The following HHAT variants were observed in gnomAD, a reference collection of about 807,000 sequenced individuals.
HHAT encodes the protein protein-cysteine N-palmitoyltransferase HHAT.
Under a neutral mutation model 70.8 loss-of-function variants are expected in HHAT, and 47 were observed. The observed-to-expected ratio is 0.66, with a 90% CI of 0.53 to 0.85. The LOEUF (loss-of-function observed/expected upper bound fraction) is 0.85. Ranked by LOEUF, HHAT falls within the 40% of genes least tolerant of loss-of-function variation. HHAT has a pLI of 0.00. For synonymous variants in HHAT, 228 were observed against 247.6 expected, an observed-to-expected ratio of 0.92 and a Z score of 0.74; for missense variants, 609 against 604.8, an observed-to-expected ratio of 1.01 and a Z score of -0.07.
intron 7 of HHAT, among the ~76,000 whole-genome samples, chr1:210,419,671 T>A (rs75654772): frequency 0.18 from 26,682 of 152,220 alleles, 2,826 homozygotes; most frequent in Middle Eastern, 0.24. Context: ...ACGTACTTAA[T>A]CAGAATGTTT....
intron 8 of HHAT, among the ~76,000 whole-genome samples, chr1:210,497,701 GC>G (rs2094675789): frequency 6.6e-6 from 1 of 151,930 alleles, no homozygotes; most frequent in Non-Finnish European, 1.5e-5. Flanking sequence ...CAGTGGGCTC[GC>G]AGGTCTGTAG....
At chr1:210,624,705 TTATG>T (rs952532443) in intron 11 of HHAT, among the ~76,000 whole-genome samples, 12 of 152,334 alleles carry the variant, frequency 7.9e-5, no homozygotes, top group Admixed American at 7.2e-4. Context: ...CGTTGTTTAT[TTATG>T]GTCACCATTT....
At chr1:210,398,568 A>C (rs907357730) in intron 4 of HHAT, among the ~76,000 whole-genome samples, 1 of 152,174 alleles carries the variant, frequency 6.6e-6, no homozygotes, top group African/African-American at 2.4e-5. Flanking sequence ...AGCATTTTCC[A>C]AGTTGAAGCA....
chr1:210,591,856 T>G (rs1661787363), intron 10 of HHAT, among the ~76,000 whole-genome samples: 1 of 152,174 alleles, frequency 6.6e-6, no homozygotes, highest in Admixed American at 6.5e-5. Flanking sequence ...ATTCAGATCT[T>G]TGCCCATTTC....
At chr1:210,545,406 A>G (rs1227256639) in intron 9 of HHAT, among the ~76,000 whole-genome samples, 1 of 146,262 alleles carries the variant, frequency 6.8e-6, no homozygotes, top group Non-Finnish European at 1.5e-5. Context: ...TCCCTTCACA[A>G]CTCAATTTAG....
intron 8 of HHAT, among the ~76,000 whole-genome samples, chr1:210,497,581 T>C (rs1387622419): frequency 6.6e-6 from 1 of 152,150 alleles, no homozygotes; most frequent in Non-Finnish European, 1.5e-5. Flanking sequence ...TTCACACTCC[T>C]ACTACTTGTC....
rs138294150 is a variant in HHAT at position 210,634,846 on chromosome 1, A to G, written c.1390+11176A>G. Among the ~76,000 whole-genome samples the G allele has an allele frequency of 4.6e-3, 703 of 152,332 alleles. 9 individuals are homozygous for G. Among genetic ancestry groups the G allele is most frequent in the African/African-American group, 0.014 (579 of 41,576 alleles). ...CCAGGGCTTTACTAAGAAAAGCAAA[A>G]GTACATGGCAAGGAAATAAGCAATG... is the stretch of plus-strand genomic sequence containing the variant. On this transcript the variant is annotated intron_variant, in intron 11 of 11. Coordinates refer to ENST00000261458, the MANE Select transcript of HHAT (RefSeq NM_018194.6).
intron 3 of HHAT, among the ~76,000 whole-genome samples, chr1:210,377,207 A>G (rs1419896882): frequency 2.6e-5 from 4 of 152,240 alleles, no homozygotes; most frequent in Non-Finnish European, 4.4e-5. Flanking sequence ...ATTTATTAGC[A>G]TAGTTTGAAG....
chr1:210,639,061 G>T (rs1304375398), intron 11 of HHAT, among the ~76,000 whole-genome samples: 1 of 152,072 alleles, frequency 6.6e-6, no homozygotes, highest in Non-Finnish European at 1.5e-5. Flanking sequence ...ACAGTTTAAG[G>T]TTAAAAGATA....
chr1:210,392,875 C>G (rs985692865), intron 4 of HHAT, among the ~76,000 whole-genome samples: 16 of 152,166 alleles, frequency 1.1e-4, no homozygotes, highest in Non-Finnish European at 1.8e-4. Flanking sequence ...GATGCCCCTC[C>G]CTCTTTCCAA....
intron 4 of HHAT, among the ~76,000 whole-genome samples, chr1:210,397,766 C>G (rs538396174): frequency 9.2e-5 from 14 of 152,234 alleles, no homozygotes; most frequent in African/African-American, 3.4e-4. Flanking sequence ...CTTCTGCTGC[C>G]CAAAGAAGCA....
At chr1:210,585,061 C>T (rs745543295) in intron 9 of HHAT, among the ~76,000 whole-genome samples, 4 of 152,228 alleles carry the variant, frequency 2.6e-5, no homozygotes, top group Non-Finnish European at 5.9e-5. Flanking sequence ...TACATTCTCA[C>T]ATGCCTTCAA....
At chr1:210,666,668 G>C (rs894918005) in intron 11 of HHAT, among the ~76,000 whole-genome samples, 1 of 152,090 alleles carries the variant, frequency 6.6e-6, no homozygotes, top group African/African-American at 2.4e-5. Context: ...ATTTTTAGTA[G>C]AGACCAAGTT....
At chr1:210,664,991 G>A (rs983796883) in intron 11 of HHAT, among the ~76,000 whole-genome samples, 3 of 151,972 alleles carry the variant, frequency 2.0e-5, no homozygotes, top group Admixed American at 6.6e-5. Context: ...ATCTCCTGGA[G>A]TCGCCTCTTT....
At chr1:210,546,419 A>G (rs945082427) in intron 9 of HHAT, among the ~76,000 whole-genome samples, 1 of 152,194 alleles carries the variant, frequency 6.6e-6, no homozygotes, top group African/African-American at 2.4e-5. Flanking sequence ...GGCATGGAAG[A>G]TGGAGGAGAA....
intron 9 of HHAT, among the ~76,000 whole-genome samples, chr1:210,537,614 A>G (rs2095387620): frequency 6.6e-6 from 1 of 152,204 alleles, no homozygotes; most frequent in Non-Finnish European, 1.5e-5. Flanking sequence ...CACATTGGGA[A>G]GGGCCATTTT....
intron 8 of HHAT, among the ~76,000 whole-genome samples, chr1:210,467,387 C>T (rs1439992709): frequency 6.6e-6 from 1 of 152,200 alleles, no homozygotes; most frequent in Admixed American, 6.5e-5. Flanking sequence ...TGTTCAGTAT[C>T]TGGTGGCATA....
Position 210,420,201 on chromosome 1 carries a change from T to C in HHAT, c.856+1876T>C, listed in dbSNP as rs761985699. On this transcript the variant is annotated intron_variant, in intron 7 of 11. Coordinates refer to ENST00000261458, the MANE Select transcript of HHAT (RefSeq NM_018194.6). Reference sequence around the variant, plus strand: ...TTTTACCACAGTTAAATCCTTAAAATTGCATATGTTAACACCTCGTCGTAT... The same window carrying C: ...TTTTACCACAGTTAAATCCTTAAAACTGCATATGTTAACACCTCGTCGTAT... Among the ~76,000 whole-genome samples, 10 of 152,348 alleles carry C rather than the reference T, an allele frequency of 6.6e-5. 1 individual carries two copies. The highest frequency in any genetic ancestry group is 6.2e-4 in the South Asian group (3 of 4,828).
In HHAT at chr1:210,575,798, A is replaced by G. The variant is rs17016512; in HGVS notation, c.1044-12100A>G. Among the ~76,000 whole-genome samples the G allele has an allele frequency of 6.5e-3, 997 of 152,350 alleles. 12 individuals are homozygous for G. The highest frequency in any genetic ancestry group is 0.023 in the African/African-American group (956 of 41,578). On this transcript the variant is annotated intron_variant, in intron 9 of 11. Coordinates refer to ENST00000261458, the MANE Select transcript of HHAT (RefSeq NM_018194.6). ...ACATCATTAGATCACTTAAACTGAT[A>G]AAATGTGTAAACCTGTATAAGGACT...
Sources: allele counts gnomAD v4.1 joint callset (sites outside exome capture counted in the v4.1 genomes callset), GRCh38; gene constraint gnomAD v4.1.1; transcripts MANE v1.5; gene names NCBI Gene and HGNC (gene_info 2026-07-23, HGNC 2026-07-21).